CLMN: variants seen among roughly 807,000 people sequenced by gnomAD.
CLMN encodes the protein calmin (calponin-like, transmembrane).
In CLMN, 57 loss-of-function variants were observed where a neutral mutation model predicts 92.7. That is an observed-to-expected ratio of 0.61 (90% confidence interval 0.50 to 0.77). The LOEUF (loss-of-function observed/expected upper bound fraction) is 0.77, where lower values mean the gene tolerates loss of function less well. Among genes scored for constraint, CLMN ranks in the 30% least tolerant of loss-of-function variants. CLMN has a pLI of 0.00. For synonymous variants in CLMN, 466 were observed against 470.6 expected (o/e 0.99, Z 0.13); for missense variants, 1,158 against 1,237.5 (o/e 0.94, Z 0.96).
At chr14:95,268,765 GGTA>G (rs1397018635) in intron 1 of CLMN, among the ~76,000 whole-genome samples, 2 of 148,784 alleles carry the variant, frequency 1.3e-5, no homozygotes, top group Non-Finnish European at 3.0e-5. Context: ...AACTAGTGAG[GGTA>G]TACTGGGACC....
intron 1 of CLMN, among the ~76,000 whole-genome samples, chr14:95,249,599 C>CT (rs757448498): frequency 1.9e-3 from 278 of 148,776 alleles, no homozygotes; most frequent in African/African-American, 5.1e-3. Flanking sequence ...TTTTCTTTTT[C>CT]TTTTTTTTTT....
intron 1 of CLMN, among the ~76,000 whole-genome samples, chr14:95,303,667 G>T (rs116820624): frequency 6.6e-6 from 1 of 152,212 alleles, no homozygotes; most frequent in Non-Finnish European, 1.5e-5. Context: ...AGCAGCCTGG[G>T]AAATGGTCAA....
At chr14:95,197,628 T>C (rs952656651) in intron 9 of CLMN, among the ~76,000 whole-genome samples, 3 of 152,176 alleles carry the variant, frequency 2.0e-5, no homozygotes, top group Admixed American at 2.0e-4. Context: ...AGGTGGATGG[T>C]AGTGCAACAT....
chr14:95,230,170 G>A (rs761815484), intron 1 of CLMN, 37 bp from the exon 2 acceptor site: 1 of 1,592,068 alleles, frequency 6.3e-7, no homozygotes, highest in Admixed American at 1.7e-5. Flanking sequence ...GGGAGAATAA[G>A]AAGTATGTGC....
chr14:95,223,708 A>C, intron 3 of CLMN, 52 bp downstream of exon 3: 1 of 1,372,058 alleles, frequency 7.3e-7, no homozygotes, highest in South Asian at 1.2e-5. Flanking sequence ...AAACCTCAGC[A>C]GCGTTTTCCT....
chr14:95,227,599 A>C (rs1472982470), intron 2 of CLMN, among the ~76,000 whole-genome samples: 1 of 152,220 alleles, frequency 6.6e-6, no homozygotes, highest in Admixed American at 6.5e-5. Context: ...TTCCATTGAC[A>C]GTTCCTATAA....
chr14:95,266,163 T>G (rs766814855), intron 1 of CLMN, among the ~76,000 whole-genome samples: 13 of 152,248 alleles, frequency 8.5e-5, no homozygotes, highest in African/African-American at 1.2e-4. Flanking sequence ...ATGTCCACTG[T>G]CATTACTTTT....
chr14:95,317,866 A>T (rs1033423820), intron 1 of CLMN, among the ~76,000 whole-genome samples: 2 of 152,230 alleles, frequency 1.3e-5, no homozygotes, highest in African/African-American at 4.8e-5. Flanking sequence ...ACATTTAAAA[A>T]TTTATTTTTT....
Position 95,185,959 on chromosome 14 carries a change from T to C in CLMN, c.*5605A>G, listed in dbSNP as rs183158282. On this transcript the variant is annotated 3_prime_UTR_variant, in exon 13 of 13. Coordinates refer to ENST00000298912, the MANE Select transcript of CLMN (RefSeq NM_024734.4). ...TTCTGACATTTTCGTAAGACACATC[T>C]GTACTTGCTAATTCTGACTTTTGTT... 1 of 152,336 alleles carries C rather than the reference T, an allele frequency of 6.6e-6. No individual in the cohort carries two copies. The highest frequency in any genetic ancestry group is 1.9e-4 in the East Asian group (1 of 5,184). 9.4% of individuals were successfully genotyped at this position (152,336 alleles called of 1,614,324 possible).
chr14:95,220,321 T>G (rs1187600), intron 4 of CLMN, among the ~76,000 whole-genome samples: 7 of 151,746 alleles, frequency 4.6e-5, no homozygotes, highest in Non-Finnish European at 7.4e-5. Context: ...GGATTATAGC[T>G]CCCCACGACC....
chr14:95,269,037 C>G (rs778728910), intron 1 of CLMN, among the ~76,000 whole-genome samples: 1 of 151,832 alleles, frequency 6.6e-6, no homozygotes, highest in African/African-American at 2.4e-5. Flanking sequence ...CTCCTGATCT[C>G]GTGATCCGCC....
intron 1 of CLMN, among the ~76,000 whole-genome samples, chr14:95,240,702 G>C (rs1898213717): frequency 6.6e-6 from 1 of 152,226 alleles, no homozygotes; most frequent in African/African-American, 2.4e-5. Flanking sequence ...GCGCAAGGAA[G>C]GAAGGGAGGA....
intron 1 of CLMN, among the ~76,000 whole-genome samples, chr14:95,235,185 A>C (rs2140643104): frequency 6.6e-6 from 1 of 152,308 alleles, no homozygotes; most frequent in South Asian, 2.1e-4. Context: ...GTGATCAGTA[A>C]ATGGCTCAGA....
chr14:95,218,585 T>C (rs1297661212), intron 4 of CLMN, among the ~76,000 whole-genome samples: 1 of 152,134 alleles, frequency 6.6e-6, no homozygotes, highest in Non-Finnish European at 1.5e-5. Context: ...GCTGAAATAA[T>C]GGGACAAGAA....
At chr14:95,298,604 G>A (rs1900910661) in intron 1 of CLMN, among the ~76,000 whole-genome samples, 1 of 152,160 alleles carries the variant, frequency 6.6e-6, no homozygotes, top group African/African-American at 2.4e-5. Context: ...TTTCCACCAG[G>A]CTAAGTTAAT....
intron 4 of CLMN, among the ~76,000 whole-genome samples, chr14:95,220,070 C>T (rs1194769329): frequency 1.3e-5 from 2 of 151,144 alleles, no homozygotes; most frequent in South Asian, 4.2e-4. Context: ...TGGTCCTTTG[C>T]GTCTGGCTTC....
chr14:95,316,826 G>A (rs1355323577), intron 1 of CLMN, among the ~76,000 whole-genome samples: 2 of 152,148 alleles, frequency 1.3e-5, no homozygotes, highest in African/African-American at 2.4e-5. Flanking sequence ...GGCCCCAAGA[G>A]AGTCAAAGCT....
intron 8 of CLMN, among the ~76,000 whole-genome samples, chr14:95,205,596 G>T (rs893016131): frequency 3.9e-5 from 6 of 152,094 alleles, no homozygotes; most frequent in African/African-American, 1.2e-4. Flanking sequence ...AAATAACAAG[G>T]TATTGAGGAT....
intron 1 of CLMN, among the ~76,000 whole-genome samples, chr14:95,298,568 A>T (rs1437932845): frequency 6.6e-6 from 1 of 152,200 alleles, no homozygotes; most frequent in Non-Finnish European, 1.5e-5. Context: ...CACCAAACAC[A>T]CAATTTTTGT....
Sources: gnomAD v4.1 joint callset for allele counts (sites outside exome capture counted in the v4.1 genomes callset) on GRCh38, gnomAD v4.1.1 for gene constraint, MANE v1.5 for transcripts, NCBI Gene and HGNC (gene_info 2026-07-23, HGNC 2026-07-21) for gene names.